TNFAIP6: variants seen among roughly 807,000 people sequenced by gnomAD.
TNFAIP6 encodes TNF alpha induced protein 6, also known as tumor necrosis factor-inducible gene 6 protein.
In TNFAIP6, 36 loss-of-function variants were observed where a neutral mutation model predicts 33.7. The ratio of observed to expected loss-of-function variants is 1.07; its 90% CI spans 0.82 to 1.41. TNFAIP6 has a LOEUF of 1.41. TNFAIP6 is among the 40% of genes most tolerant of loss of function. The probability of loss-of-function intolerance (pLI) is 0.00; values close to 1 mark genes in which losing one functional copy is unlikely to be tolerated. For missense variants in TNFAIP6, 273 were observed against 331.9 expected, an observed-to-expected ratio of 0.82 and a Z score of 1.38; for synonymous variants, 113 against 112.8, an observed-to-expected ratio of 1.00 and a Z score of -0.01.
intron 4 of TNFAIP6, among the ~76,000 whole-genome samples, chr2:151,372,720 G>A (rs985393644): frequency 2.0e-5 from 3 of 152,126 alleles, no homozygotes; most frequent in Non-Finnish European, 2.9e-5. Context: ...AGGAGTTTGC[G>A]ACCAGCCTGG....
At position 151,364,078 on chromosome 2, in the gene TNFAIP6, T is replaced by C; in HGVS notation, c.230T>C (p.Ile77Thr). Reference protein sequence around the residue: ...TYKQLEAARKIGFHVCAAGWM... With the variant: ...TYKQLEAARKTGFHVCAAGWM... Reference sequence around the variant, plus strand: ...AAGCAGCTAGAGGCAGCCAGAAAAATTGGTAACTGATTTCACAATGATTTT... The same window carrying C: ...AAGCAGCTAGAGGCAGCCAGAAAAACTGGTAACTGATTTCACAATGATTTT... The change falls in exon 2 of 6, where the codon ATT becomes ACT. Residue 77 changes from isoleucine (I) to threonine (T), a missense_variant and splice_region_variant. Transcript: ENST00000243347. 6.2e-7 allele frequency: 1 copy of C among 1,612,700 alleles called. No individual in the cohort carries two copies. Among genetic ancestry groups the C allele is most frequent in the Non-Finnish European group, 8.5e-7 (1 of 1,179,660 alleles).
At chr2:151,358,894 T>C (rs1211459567) in intron 1 of TNFAIP6, among the ~76,000 whole-genome samples, 2 of 152,170 alleles carry the variant, frequency 1.3e-5, no homozygotes, top group African/African-American at 4.8e-5. Flanking sequence ...TTGAATACAG[T>C]CAAATATAGG....
At chr2:151,357,910 C>A (rs3821322) in intron 1 of TNFAIP6, 150 bp downstream of exon 1, 5 of 440,350 alleles carry the variant, frequency 1.1e-5, no homozygotes, top group South Asian at 4.9e-5. Flanking sequence ...GGAATACATA[C>A]GCTTTTTTTT....
At chr2:151,359,046 G>A (rs1684579973) in intron 1 of TNFAIP6, among the ~76,000 whole-genome samples, 1 of 152,150 alleles carries the variant, frequency 6.6e-6, no homozygotes, top group Non-Finnish European at 1.5e-5. Flanking sequence ...GTTGTCATAT[G>A]TTACAAAAAT....
At chr2:151,369,285 AATTAC>A (rs776974488) in intron 3 of TNFAIP6, among the ~76,000 whole-genome samples, 9 of 152,132 alleles carry the variant, frequency 5.9e-5, no homozygotes, top group African/African-American at 1.7e-4. Flanking sequence ...AAGTACAATT[AATTAC>A]ATTACAATTC....
intron 5 of TNFAIP6, 104 bp downstream of exon 5, chr2:151,373,693 T>C (rs1270609894): frequency 6.7e-6 from 4 of 600,912 alleles, no homozygotes; most frequent in African/African-American, 5.7e-5. Context: ...TTATTCACTT[T>C]TTAAAGTTGA....
intron 4 of TNFAIP6, among the ~76,000 whole-genome samples, chr2:151,372,737 T>C (rs1367622166): frequency 6.6e-6 from 1 of 152,136 alleles, no homozygotes; most frequent in East Asian, 1.9e-4. Context: ...CTGGCCAACA[T>C]GGCAAAACCC....
chr2:151,364,881 G>C (rs1008286405), intron 2 of TNFAIP6, among the ~76,000 whole-genome samples: 2 of 152,162 alleles, frequency 1.3e-5, no homozygotes, highest in Admixed American at 1.3e-4. Flanking sequence ...ATGGGGCATA[G>C]TAACTGGAGT....
At position 151,370,007 on chromosome 2, in the gene TNFAIP6, C is replaced by A; in HGVS notation, c.395-13C>A. ...GCTTTGGGGTTTTTACGTTTTTTTT[C>A]TTCTCATTTCAGCAAAGGAGTGTGG... On this transcript the variant is annotated splice_polypyrimidine_tract_variant and intron_variant, in intron 3 of 5. Transcript: ENST00000243347. 1.9e-6 allele frequency: 3 copies of A among 1,571,392 alleles called. No individual in the cohort carries two copies. Among genetic ancestry groups the A allele is most frequent in the Non-Finnish European group, 2.6e-6 (3 of 1,158,498 alleles).
At chr2:151,375,525 G>A (rs1263918968) in intron 5 of TNFAIP6, among the ~76,000 whole-genome samples, 1 of 151,968 alleles carries the variant, frequency 6.6e-6, no homozygotes, top group East Asian at 1.9e-4. Context: ...TGGCTAACAC[G>A]GTGAAACTCC....
intron 3 of TNFAIP6, among the ~76,000 whole-genome samples, chr2:151,367,161 G>A (rs564572076): frequency 1.3e-5 from 2 of 152,200 alleles, no homozygotes; most frequent in Admixed American, 6.5e-5. Context: ...TTGGAGAATA[G>A]TTTCTCATGT....
chr2:151,372,812 C>T (rs1248782517), intron 4 of TNFAIP6, among the ~76,000 whole-genome samples: 3 of 151,832 alleles, frequency 2.0e-5, no homozygotes, highest in Admixed American at 6.6e-5. Flanking sequence ...CCCAGCTACT[C>T]GGGAGCCTGA....
Position 151,379,348 on chromosome 2 carries a change from T to A in TNFAIP6, c.665-16T>A. 1 of 1,576,342 alleles carries A rather than the reference T, an allele frequency of 6.3e-7. No homozygotes were observed. The highest frequency in any genetic ancestry group is 2.3e-5 in the East Asian group (1 of 43,298). ...AGAGTAACATCTTTGTTCTTTTGCC[T>A]CCTTCCCCGCAACAGGAAATGTCAT... On this transcript the variant is annotated splice_polypyrimidine_tract_variant and intron_variant, in intron 5 of 5. Coordinates refer to ENST00000243347, the MANE Select transcript of TNFAIP6 (RefSeq NM_007115.4).
rs35356355 is a variant in TNFAIP6 at position 151,373,744 on chromosome 2, C to CAAA, written c.664+169_664+171dup. On this transcript the variant is annotated intron_variant, in intron 5 of 5. Coordinates refer to ENST00000243347, the MANE Select transcript of TNFAIP6 (RefSeq NM_007115.4). ...ATGCAGCTTGCTAGGTTGTAAAATG[C>CAAA]AAAAAAAAAAAAAAAATTAAAGATT... 1,547 of 243,466 alleles carry CAAA rather than the reference C, an allele frequency of 6.4e-3. 17 individuals are homozygous for CAAA. The highest frequency in any genetic ancestry group is 0.035 in the African/African-American group (1,307 of 37,190). The allele number at this position is 243,466 out of a possible 1,614,324, so 15.1% of individuals were successfully genotyped here.
intron 2 of TNFAIP6, among the ~76,000 whole-genome samples, 177 bp from the exon 3 acceptor site, chr2:151,365,879 A>G (rs1263858938): frequency 6.6e-6 from 1 of 152,114 alleles, no homozygotes; most frequent in East Asian, 1.9e-4. Flanking sequence ...ATCAGAAGTT[A>G]TATTTCATGT....
intron 3 of TNFAIP6, among the ~76,000 whole-genome samples, chr2:151,367,412 C>A (rs981930631): frequency 2.0e-5 from 3 of 152,128 alleles, no homozygotes; most frequent in African/African-American, 7.2e-5. Flanking sequence ...CTCCCTCCCT[C>A]TCTTACATTT....
chr2:151,361,576 G>A (rs916891522), intron 1 of TNFAIP6, among the ~76,000 whole-genome samples: 5 of 152,014 alleles, frequency 3.3e-5, no homozygotes, highest in African/African-American at 4.8e-5. Flanking sequence ...ATTATAATAC[G>A]TAAGTAAGCT....
intron 1 of TNFAIP6, among the ~76,000 whole-genome samples, chr2:151,360,958 C>A (rs954513011): frequency 1.3e-5 from 2 of 151,998 alleles, no homozygotes; most frequent in African/African-American, 4.8e-5. Context: ...ATGTAACAAA[C>A]CTGCACATGT....
intron 5 of TNFAIP6, 122 bp downstream of exon 5, chr2:151,373,711 A>G: frequency 2.1e-6 from 1 of 484,196 alleles, no homozygotes; most frequent in Non-Finnish European, 3.6e-6. Flanking sequence ...TGAAAGAACC[A>G]ACACCAGATG....
Sources: allele counts gnomAD v4.1 joint callset (sites outside exome capture counted in the v4.1 genomes callset), GRCh38; gene constraint gnomAD v4.1.1; transcripts MANE v1.5; gene names NCBI Gene and HGNC (gene_info 2026-07-23, HGNC 2026-07-21).